Variants in STXBP4 observed in about 807,000 individuals in gnomAD.
STXBP4 encodes syntaxin-binding protein 4.
In STXBP4, 55 loss-of-function variants were observed where a neutral mutation model predicts 76.1. The observed-to-expected ratio is 0.72, with a 90% CI of 0.58 to 0.91. The LOEUF (loss-of-function observed/expected upper bound fraction) is 0.91. Among genes scored for constraint, STXBP4 ranks in the 40% least tolerant of loss-of-function variants. The pLI, the probability that STXBP4 is intolerant of heterozygous loss-of-function variation, is 0.00. For synonymous variants in STXBP4, 201 were observed against 220.2 expected, an observed-to-expected ratio of 0.91 and a Z score of 0.77; for missense variants, 618 against 636.9, an observed-to-expected ratio of 0.97 and a Z score of 0.32.
intron 8 of STXBP4, among the ~76,000 whole-genome samples, chr17:55,024,629 AC>A (rs974560971): frequency 5.9e-5 from 9 of 152,198 alleles, no homozygotes; most frequent in African/African-American, 1.9e-4. Context: ...CAATGGTGTA[AC>A]TAGACCATCC....
intron 4 of STXBP4, among the ~76,000 whole-genome samples, chr17:54,995,463 C>T (rs2077785470): frequency 6.6e-6 from 1 of 152,098 alleles, no homozygotes; most frequent in Non-Finnish European, 1.5e-5. Context: ...AAAACATATA[C>T]ATATAAGCTA....
At chr17:55,004,061 C>T (rs1409903016) in intron 7 of STXBP4, among the ~76,000 whole-genome samples, 1 of 151,836 alleles carries the variant, frequency 6.6e-6, no homozygotes, top group African/African-American at 2.4e-5. Flanking sequence ...CGCCTGAAGT[C>T]CCAGCTACTC....
Position 55,047,110 on chromosome 17 carries a change from A to G in STXBP4, c.967A>G (p.Lys323Glu). 6.2e-7 allele frequency: 1 copy of G among 1,607,116 alleles called. No individual in the cohort carries two copies. ...ATAGGAAAAATTATTGGAATCAGAT[A>G]AGCAAAGGAAACAATTGACAGAAGA... ...TLKEKLLESDKQRKQLTEELQ... is the reference protein window; with the variant it reads ...TLKEKLLESDEQRKQLTEELQ... The change falls in exon 12 of 18, where the codon AAG (lysine) becomes GAG (glutamate). Residue 323 changes from lysine to glutamate, a missense_variant. Lys to Glu is a moderately conservative substitution (Grantham distance 56, BLOSUM62 1). Coordinates refer to ENST00000376352, the MANE Select transcript of STXBP4 (RefSeq NM_178509.6).
intron 12 of STXBP4, among the ~76,000 whole-genome samples, chr17:55,069,449 C>G (rs74913468): frequency 2.6e-5 from 4 of 152,084 alleles, no homozygotes; most frequent in African/African-American, 9.7e-5. Flanking sequence ...GGAGGCTGTA[C>G]AGTTATTTAT....
In STXBP4 at chr17:55,081,107, A is replaced by T. The variant is rs750233030; in HGVS notation, c.1413A>T (p.Gly471=). 5.1e-6 allele frequency: 8 copies of T among 1,559,030 alleles called. No homozygotes were observed. The African/African-American group carries it at 8.4e-5, about 16-fold the overall frequency. ...QTSLTPLGRN[G]RSIPATLALE... ...CCCTCACACCACTGGGAAGGAATGG[A>T]CGTAGCATCCCAGCAACGCTGGCGC... Residue 471 remains glycine (G), a synonymous_variant, in exon 16 of 18, where the codon GGA becomes GGT. Coordinates refer to ENST00000376352, the MANE Select transcript of STXBP4 (RefSeq NM_178509.6).
chr17:55,022,603 A>C (rs1031740007), intron 8 of STXBP4, among the ~76,000 whole-genome samples: 7 of 152,212 alleles, frequency 4.6e-5, no homozygotes, highest in Admixed American at 6.5e-5. Flanking sequence ...TACATGTCAG[A>C]CAATAAGACA....
At chr17:55,032,826 C>G (rs915229766) in intron 9 of STXBP4, among the ~76,000 whole-genome samples, 1 of 152,102 alleles carries the variant, frequency 6.6e-6, no homozygotes, top group Non-Finnish European at 1.5e-5. Context: ...GGTATTCTCT[C>G]TGAAGAAGCT....
At position 55,060,928 on chromosome 17, in the gene STXBP4, C is replaced by T. The variant is rs146769711; in HGVS notation, c.1012-11972C>T. ...GGCAGCAATGAATTGGTGAACAGTC[C>T]AAAGCCAAAATATTTAGCTTGTCTG... is the stretch of plus-strand genomic sequence containing the variant. On this transcript the variant is annotated intron_variant, in intron 12 of 17. Transcript: ENST00000376352. 2.0e-5 allele frequency among the ~76,000 whole-genome samples: 3 copies of T among 152,264 alleles called. No homozygotes were observed. In the East Asian group the frequency reaches 5.8e-4, roughly 29 times the overall value.
intron 1 of STXBP4, among the ~76,000 whole-genome samples, chr17:54,976,618 G>C (rs551591156): frequency 6.6e-6 from 1 of 152,134 alleles, no homozygotes; most frequent in African/African-American, 2.4e-5. Context: ...CCGGCCAGAC[G>C]GCAGGAGGTG....
chr17:55,097,478 A>G (rs189932827), intron 16 of STXBP4, among the ~76,000 whole-genome samples: 1,982 of 152,280 alleles, frequency 0.013, 38 homozygotes, highest in African/African-American at 0.044. Flanking sequence ...CCTGGCTAAC[A>G]CGGTGAAACC....
chr17:55,073,933 CAA>C (rs2079151206), intron 13 of STXBP4, among the ~76,000 whole-genome samples: 1 of 151,990 alleles, frequency 6.6e-6, no homozygotes, highest in Admixed American at 6.6e-5. Context: ...CTGGACAGTG[CAA>C]ACTTTTTTAT....
intron 1 of STXBP4, among the ~76,000 whole-genome samples, chr17:54,983,081 C>T (rs1364801025): frequency 6.6e-6 from 1 of 152,080 alleles, no homozygotes; most frequent in Non-Finnish European, 1.5e-5. Flanking sequence ...TTGTGGGGCT[C>T]CTGTGGGAAG....
rs117466085 is a variant in STXBP4, at chr17:55,153,248, A to C, written c.1548-6549A>C. ...ACTATTAGAAACAATCAGTATTTAA[A>C]AGTTCATGAGAAAACTGTAGAGGTT... On this transcript the variant is annotated intron_variant, in intron 17 of 17. Coordinates refer to ENST00000376352, the MANE Select transcript of STXBP4 (RefSeq NM_178509.6). Among the ~76,000 whole-genome samples, 200 of 152,328 alleles carry C rather than the reference A, an allele frequency of 1.3e-3. 3 individuals carry two copies. In the East Asian group the frequency reaches 0.025, roughly 19 times the overall value.
intron 16 of STXBP4, among the ~76,000 whole-genome samples, chr17:55,125,767 G>A (rs1169777460): frequency 6.6e-6 from 1 of 152,122 alleles, no homozygotes; most frequent in East Asian, 1.9e-4. Flanking sequence ...GACACTACTT[G>A]CCTCACTCTA....
intron 16 of STXBP4, among the ~76,000 whole-genome samples, chr17:55,102,888 C>CT (rs2079583722): frequency 6.6e-6 from 1 of 152,154 alleles, no homozygotes. Context: ...TGGTGATGAG[C>CT]TTTTTTTCAT....
At chr17:55,115,704 T>A (rs535837939) in intron 16 of STXBP4, among the ~76,000 whole-genome samples, 3 of 151,854 alleles carry the variant, frequency 2.0e-5, no homozygotes, top group African/African-American at 4.8e-5. Flanking sequence ...CCAATCACAG[T>A]TTAAAGTAAT....
intron 8 of STXBP4, among the ~76,000 whole-genome samples, chr17:55,020,778 T>C (rs1353965671): frequency 2.0e-5 from 3 of 152,050 alleles, no homozygotes; most frequent in Non-Finnish European, 4.4e-5. Context: ...GATCATGCCA[T>C]TGCACTCCAG....
At chr17:55,013,003 G>A (rs148787193) in intron 8 of STXBP4, among the ~76,000 whole-genome samples, 64 of 152,280 alleles carry the variant, frequency 4.2e-4, no homozygotes, top group African/African-American at 1.3e-3. Flanking sequence ...TTAAGTAAAC[G>A]GTTGTCTGAC....
rs1370207013 is a variant in STXBP4, at chr17:55,168,531, A to C, written c.*8620A>C. On this transcript the variant is annotated 3_prime_UTR_variant, in exon 18 of 18. Coordinates refer to ENST00000376352, the MANE Select transcript of STXBP4 (RefSeq NM_178509.6). Reference sequence around the variant, plus strand: ...GTAACTGAAAATGAAAAAAAGATTTAAAATATGACTTAGTAGTTAGAATTT... The same window carrying C: ...GTAACTGAAAATGAAAAAAAGATTTCAAATATGACTTAGTAGTTAGAATTT... 3 of 152,222 alleles carry C rather than the reference A, an allele frequency of 2.0e-5. No homozygotes were observed. The highest frequency in any genetic ancestry group is 6.5e-5 in the Admixed American group (1 of 15,288). 9.4% of individuals were successfully genotyped at this position (152,222 alleles called of 1,614,324 possible). A position where few individuals can be genotyped will look rare whatever the true frequency, so the allele number is the denominator to read the frequency against.
Sources: gnomAD v4.1 joint callset for allele counts (sites outside exome capture counted in the v4.1 genomes callset) on GRCh38, gnomAD v4.1.1 for gene constraint, MANE v1.5 for transcripts, NCBI Gene and HGNC (gene_info 2026-07-23, HGNC 2026-07-21) for gene names.